The following PCNX1 variants were observed in gnomAD, a reference collection of about 807,000 sequenced individuals.
PCNX1 encodes pecanex 1.
In PCNX1, 78 loss-of-function variants were observed where a neutral mutation model predicts 242.2. That is an observed-to-expected ratio of 0.32 (90% CI 0.27 to 0.39). PCNX1 has a LOEUF of 0.39. Ranked by LOEUF, PCNX1 falls within the 10% of genes least tolerant of loss-of-function variation. The pLI is 1.00. For synonymous variants in PCNX1, 1,024 were observed against 1,032.9 expected, an observed-to-expected ratio of 0.99 and a Z score of 0.17; for missense variants, 2,581 against 2,856.5, an observed-to-expected ratio of 0.90 and a Z score of 2.20.
At chr14:71,070,972 C>A (rs920796991) in intron 26 of PCNX1, among the ~76,000 whole-genome samples, 3 of 152,196 alleles carry the variant, frequency 2.0e-5, no homozygotes, top group African/African-American at 7.2e-5. Flanking sequence ...CATCAGTGAT[C>A]TTAGCTAGAT....
At chr14:71,088,234 T>C (rs367586763) in intron 28 of PCNX1, 96 bp from the exon 29 acceptor site, 23 of 638,858 alleles carry the variant, frequency 3.6e-5, no homozygotes, top group African/African-American at 3.0e-4. Context: ...TATGTACTCT[T>C]TGAATTCTTT....
Position 71,109,433 on chromosome 14 carries a change from G to A in PCNX1, c.6745-19G>A, listed in dbSNP as rs2062708789. On this transcript the variant is annotated intron_variant, in intron 34 of 35. Coordinates refer to ENST00000304743, the MANE Select transcript of PCNX1 (RefSeq NM_014982.3). ...ATCAAGAAAAAAATGAATTGGAAAT[G>A]TTTTTATTTACCATGTAGATTGTGG... 2 of 1,584,516 alleles carry A rather than the reference G, an allele frequency of 1.3e-6. No individual in the cohort carries two copies. The highest frequency in any genetic ancestry group is 1.7e-6 in the Non-Finnish European group (2 of 1,166,454).
intron 1 of PCNX1, among the ~76,000 whole-genome samples, chr14:70,917,995 A>G (rs575857756): frequency 6.6e-6 from 1 of 152,146 alleles, no homozygotes; most frequent in African/African-American, 2.4e-5. Flanking sequence ...TCATGAACCA[A>G]CTTCTGCTAG....
At position 71,110,942 on chromosome 14, in the gene PCNX1, G is replaced by GTT. The variant is rs1369764306; in HGVS notation, c.*1009_*1010dup. ...AGGATCGATTGCCTTTTATTTATGA[G>GTT]TTTCTAGCTCTTGAAGTTATTCACA... is the stretch of plus-strand genomic sequence containing the variant. On this transcript the variant is annotated 3_prime_UTR_variant, in exon 36 of 36. Transcript: ENST00000304743. 3 of 152,586 alleles carry GTT rather than the reference G, an allele frequency of 2.0e-5. No individual in the cohort carries two copies. Among genetic ancestry groups the GTT allele is most frequent in the African/African-American group, 7.2e-5 (3 of 41,440 alleles). The allele number at this position is 152,586 out of a possible 1,614,324, so 9.5% of individuals were successfully genotyped here. A position where few individuals can be genotyped will look rare whatever the true frequency, so the allele number is the denominator to read the frequency against.
At chr14:71,057,857 GAGTA>G (rs1332385416) in intron 26 of PCNX1, 133 bp downstream of exon 26, 1 of 686,478 alleles carries the variant, frequency 1.5e-6, no homozygotes, top group Non-Finnish European at 2.5e-6. Context: ...AGTTGTTAAA[GAGTA>G]AGTATTAGAT....
intron 5 of PCNX1, among the ~76,000 whole-genome samples, chr14:70,970,837 G>A (rs2058518673): frequency 6.6e-6 from 1 of 152,172 alleles, no homozygotes; most frequent in African/African-American, 2.4e-5. Context: ...ATAAAAACAA[G>A]TTTGAGGGCT....
Position 70,907,988 on chromosome 14 carries a change from C to T in PCNX1, c.138C>T (p.Pro46=), listed in dbSNP as rs775444793. ...LYLWLFLLGL[P]FTLYMALPST... ...TGTGGCTCTTTCTGCTGGGCCTGCC[C>T]TTCACCCTCTACATGGTGAGTGTGG... The change falls in exon 1 of 36, where the codon CCC becomes CCT. Residue 46 remains proline (P), a synonymous_variant. Coordinates refer to ENST00000304743, the MANE Select transcript of PCNX1 (RefSeq NM_014982.3). 6.3e-7 allele frequency: 1 copy of T among 1,595,494 alleles called. No individual in the cohort carries two copies. Among genetic ancestry groups the T allele is most frequent in the Non-Finnish European group, 8.5e-7 (1 of 1,172,486 alleles).
chr14:71,019,264 G>C (rs2060034509), intron 12 of PCNX1, 102 bp downstream of exon 12: 1 of 923,094 alleles, frequency 1.1e-6, no homozygotes, highest in Non-Finnish European at 1.6e-6. Context: ...TTATTTTTAG[G>C]CTTACTTTTC....
In PCNX1 at chr14:71,047,980, A is replaced by T. The variant is rs772633943; in HGVS notation, c.4334A>T (p.Asn1445Ile). ...CTCTTCTTTATGTCCATACTCTTCA[A>T]CAAGGTAATTTATCACTGAAAGGAA... is the stretch of plus-strand genomic sequence containing the variant. ...LDLFFMSILF[N>I]KLWELLYKLQ... Residue 1445 changes from asparagine (N) to isoleucine (I), a missense_variant, in exon 22 of 36, where the codon AAC becomes ATC. Physicochemically the swap from Asn to Ile is moderately radical, Grantham distance 149. This residue lies in a region of PCNX1 where 432 missense variants were observed against 443.1 expected (regional missense o/e 0.97). Coordinates refer to ENST00000304743, the MANE Select transcript of PCNX1 (RefSeq NM_014982.3). 1.2e-6 allele frequency: 2 copies of T among 1,607,622 alleles called. No homozygotes were observed. Among genetic ancestry groups the T allele is most frequent in the South Asian group, 2.2e-5 (2 of 90,668 alleles).
In PCNX1 at chr14:70,977,099, T is replaced by C; in HGVS notation, c.762T>C (p.Ser254=). The C allele has an allele frequency of 6.2e-7, 1 of 1,614,188 alleles. No individual in the cohort carries two copies. Among genetic ancestry groups the C allele is most frequent in the Non-Finnish European group, 8.5e-7 (1 of 1,180,028 alleles). Residue 254 remains serine, a synonymous_variant, in exon 6 of 36, where the codon TCT becomes TCC. Transcript: ENST00000304743. The part of the protein sequence containing the change: ...SHNHHHHVDQ[S]LSSACDTEVA... ...ACCACCACCACCATGTTGATCAGTC[T>C]CTGTCCAGCGCCTGTGACACAGAAG...
At chr14:71,034,346 T>G (rs1472644805) in intron 18 of PCNX1, among the ~76,000 whole-genome samples, 2 of 152,164 alleles carry the variant, frequency 1.3e-5, no homozygotes, top group African/African-American at 2.4e-5. Flanking sequence ...TCTGAAAGAT[T>G]AGCATTAACA....
chr14:71,007,846 T>A (rs1236309197), intron 8 of PCNX1, among the ~76,000 whole-genome samples: 1 of 152,192 alleles, frequency 6.6e-6, no homozygotes. Context: ...AAAAAAACTT[T>A]CAGTGATACA....
intron 1 of PCNX1, among the ~76,000 whole-genome samples, chr14:70,918,819 A>G (rs2056252749): frequency 6.6e-6 from 1 of 151,968 alleles, no homozygotes; most frequent in African/African-American, 2.4e-5. Flanking sequence ...ACACTTTTCC[A>G]AAACAGGGTG....
intron 20 of PCNX1, among the ~76,000 whole-genome samples, chr14:71,045,953 A>G (rs929270160): frequency 6.6e-6 from 1 of 152,096 alleles, no homozygotes; most frequent in African/African-American, 2.4e-5. Context: ...AATATATTGT[A>G]CTTCCTCATT....
intron 20 of PCNX1, 66 bp downstream of exon 20, chr14:71,045,349 A>AT: frequency 8.9e-7 from 1 of 1,127,278 alleles, no homozygotes; most frequent in Non-Finnish European, 1.3e-6. Flanking sequence ...ATATTGATAG[A>AT]TGACTGAGTT....
intron 3 of PCNX1, among the ~76,000 whole-genome samples, chr14:70,962,644 A>G (rs1359512734): frequency 6.6e-6 from 1 of 152,200 alleles, no homozygotes; most frequent in Non-Finnish European, 1.5e-5. Flanking sequence ...AGAGGTGTAG[A>G]TGTCTGTGGT....
Position 71,111,779 on chromosome 14 carries a change from C to G in PCNX1, c.*1844C>G, listed in dbSNP as rs1327020889. On this transcript the variant is annotated 3_prime_UTR_variant, in exon 36 of 36. Coordinates refer to ENST00000304743, the MANE Select transcript of PCNX1 (RefSeq NM_014982.3). ...CCTAATGTGCCTTGTGTTGACATTT[C>G]CATAGACTTCACACTTTACAAAATT... 1.3e-5 allele frequency: 2 copies of G among 152,108 alleles called. No individual in the cohort carries two copies. The highest frequency in any genetic ancestry group is 2.9e-5 in the Non-Finnish European group (2 of 67,970). 9.4% of individuals were successfully genotyped at this position (152,108 alleles called of 1,614,324 possible). A position where few individuals can be genotyped will look rare whatever the true frequency, so the allele number is the denominator to read the frequency against.
At chr14:71,077,230 G>A (rs997502615) in intron 28 of PCNX1, among the ~76,000 whole-genome samples, 18 of 152,094 alleles carry the variant, frequency 1.2e-4, no homozygotes, top group African/African-American at 4.1e-4. Flanking sequence ...GATTTTTGTG[G>A]TAGTATCACA....
At chr14:70,961,774 G>T (rs148419335) in intron 2 of PCNX1, among the ~76,000 whole-genome samples, 93 of 152,288 alleles carry the variant, frequency 6.1e-4, no homozygotes, top group African/African-American at 2.1e-3. Flanking sequence ...GTTCATCACT[G>T]TATCATGCGG....
Sources: allele counts gnomAD v4.1 joint callset (sites outside exome capture counted in the v4.1 genomes callset), GRCh38; gene constraint gnomAD v4.1.1; regional missense constraint gnomAD v4.1.1; transcripts MANE v1.5; gene names NCBI Gene and HGNC (gene_info 2026-07-23, HGNC 2026-07-21).